SI: variants seen among roughly 807,000 people sequenced by gnomAD.
The protein encoded by SI is sucrase-isomaltase, intestinal.
Under a neutral mutation model 253.3 loss-of-function variants are expected in SI, and 235 were observed. That is an observed-to-expected ratio of 0.93 (90% CI 0.83 to 1.03). The LOEUF (loss-of-function observed/expected upper bound fraction) is 1.03. SI is among the 50% of genes least tolerant of loss of function. The pLI, the probability that SI is intolerant of heterozygous loss-of-function variation, is 0.00. For missense variants in SI, 2,442 were observed against 2,211.1 expected (o/e 1.10, Z -2.09); for synonymous variants, 819 against 712.0 (o/e 1.15, Z -2.39).
intron 26 of SI, among the ~76,000 whole-genome samples, chr3:165,022,535 T>TCACG (rs1553772742): frequency 7.3e-6 from 1 of 137,846 alleles, no homozygotes; most frequent in Non-Finnish European, 1.6e-5. Context: ...TTGTGCCATC[T>TCACG]CACACACACA....
At chr3:165,014,932 T>G (rs1029605367) in intron 33 of SI, among the ~76,000 whole-genome samples, 191 bp downstream of exon 33, 4 of 152,166 alleles carry the variant, frequency 2.6e-5, no homozygotes, top group African/African-American at 7.2e-5. Flanking sequence ...TTTGGACATG[T>G]GACTTATATG....
At chr3:165,059,392 A>G (rs1056237007) in intron 10 of SI, 93 bp from the exon 11 acceptor site, 1 of 1,220,068 alleles carries the variant, frequency 8.2e-7, no homozygotes, top group Non-Finnish European at 1.2e-6. Context: ...TATTATAAAC[A>G]TAACCCTTAA....
At chr3:165,054,368 T>A (rs1713581202) in intron 13 of SI, among the ~76,000 whole-genome samples, 1 of 152,040 alleles carries the variant, frequency 6.6e-6, no homozygotes, top group Non-Finnish European at 1.5e-5. Context: ...TCTTAAACAC[T>A]TGTATTTTTT....
At chr3:165,001,677 T>C (rs1011937290) in intron 37 of SI, among the ~76,000 whole-genome samples, 1 of 151,478 alleles carries the variant, frequency 6.6e-6, no homozygotes, top group Non-Finnish European at 1.5e-5. Flanking sequence ...CTGAAAGACA[T>C]GCATTTACTA....
chr3:165,039,816 GT>G, intron 19 of SI, 70 bp downstream of exon 19: 4 of 1,040,638 alleles, frequency 3.8e-6, no homozygotes, highest in East Asian at 2.4e-5. Flanking sequence ...TTATTCAGAT[GT>G]TTTGTAATGT....
chr3:165,049,273 T>C, intron 14 of SI, 29 bp from the exon 15 acceptor site: 1 of 1,219,104 alleles, frequency 8.2e-7, no homozygotes, highest in East Asian at 2.4e-5. Context: ...GAAACATTTC[T>C]TATATTTTTC....
At chr3:165,075,431 T>G (rs1714892068) in intron 2 of SI, among the ~76,000 whole-genome samples, 1 of 151,980 alleles carries the variant, frequency 6.6e-6, no homozygotes, top group African/African-American at 2.4e-5. Flanking sequence ...TCCAAGTCTT[T>G]TTTCAACTTT....
At chr3:165,083,282 C>T (rs1327711668), upstream of SI, among the ~76,000 whole-genome samples, 3 of 151,806 alleles carry the variant, frequency 2.0e-5, no homozygotes, top group Non-Finnish European at 4.4e-5. Context: ...AAATTCTAGT[C>T]AATGGGATGA....
chr3:165,009,662 T>C (rs1181208625), intron 34 of SI, among the ~76,000 whole-genome samples: 4 of 152,204 alleles, frequency 2.6e-5, no homozygotes, highest in African/African-American at 7.2e-5. Context: ...GCATTATTTT[T>C]AGTGCTTCCT....
intron 25 of SI, among the ~76,000 whole-genome samples, chr3:165,025,964 T>C (rs1028878157): frequency 4.0e-5 from 6 of 151,210 alleles, no homozygotes; most frequent in African/African-American, 1.5e-4. Context: ...GCACAATGAA[T>C]GGAATGGTAC....
intron 45 of SI, among the ~76,000 whole-genome samples, chr3:164,985,018 A>G (rs1717370081): frequency 6.6e-6 from 1 of 152,174 alleles, no homozygotes; most frequent in African/African-American, 2.4e-5. Flanking sequence ...ACATAACAAA[A>G]TAAGTAGATC....
intron 25 of SI, among the ~76,000 whole-genome samples, chr3:165,025,491 G>A (rs757041105): frequency 6.6e-6 from 1 of 151,232 alleles, no homozygotes; most frequent in South Asian, 2.1e-4. Context: ...ATACAAGAGA[G>A]CTCAAAGAAC....
chr3:165,044,240 G>T (rs1425986918), intron 16 of SI, among the ~76,000 whole-genome samples: 2 of 151,714 alleles, frequency 1.3e-5, no homozygotes, highest in Non-Finnish European at 2.9e-5. Flanking sequence ...TTTGGATAGG[G>T]GTTACTCACC....
chr3:165,004,480 A>G (rs1718407146), intron 37 of SI, among the ~76,000 whole-genome samples: 2 of 152,112 alleles, frequency 1.3e-5, no homozygotes, highest in South Asian at 2.1e-4. Flanking sequence ...TATCAAAAAG[A>G]TATCTGCCCT....
chr3:165,026,413 T>A (rs776406502), intron 25 of SI, among the ~76,000 whole-genome samples: 59 of 151,310 alleles, frequency 3.9e-4, no homozygotes, highest in Admixed American at 1.1e-3. Flanking sequence ...CTGATAGTAC[T>A]AGACAGATCA....
chr3:164,979,369 CA>C lies in SI; in HGVS notation c.5476del (p.Trp1826GlyfsTer9). 1.9e-6 allele frequency: 3 copies of C among 1,582,588 alleles called. No individual in the cohort carries two copies. The highest frequency in any genetic ancestry group is 2.6e-6 in the Non-Finnish European group (3 of 1,152,990). Reference sequence around the variant, plus strand: ...TAAAATTGATGGTGATCTTCATGACCAGTTGATTTCTATTGGTTCTTCTAGA... The same window carrying C: ...TAAAATTGATGGTGATCTTCATGACCGTTGATTTCTATTGGTTCTTCTAGA... ...VTLEEPIEIN[W>X]S On this transcript the variant is annotated frameshift_variant, in exon 48 of 48. Coordinates refer to ENST00000264382, the MANE Select transcript of SI (RefSeq NM_001041.4). LOFTEE classifies it high-confidence loss of function.
chr3:165,090,177 G>A, the SI span, among the ~76,000 whole-genome samples: 1 of 150,638 alleles, frequency 6.6e-6, no homozygotes, highest in East Asian at 2.0e-4. Context: ...GAGAGAGAGA[G>A]AGAACCCCCC....
intron 33 of SI, among the ~76,000 whole-genome samples, chr3:165,013,686 T>G (rs1455664295): frequency 3.9e-5 from 6 of 152,092 alleles, no homozygotes; most frequent in Non-Finnish European, 2.9e-5. Context: ...TATAAAAATA[T>G]AAATAATCCA....
chr3:165,056,897 A>G (rs961043617), intron 12 of SI, among the ~76,000 whole-genome samples: 4 of 152,094 alleles, frequency 2.6e-5, no homozygotes, highest in Admixed American at 6.6e-5. Context: ...TGTGAAGACT[A>G]TTATAAATAC....
Sources: gnomAD v4.1 joint callset for allele counts (sites outside exome capture counted in the v4.1 genomes callset) on GRCh38, gnomAD v4.1.1 for gene constraint, MANE v1.5 for transcripts, NCBI Gene and HGNC (gene_info 2026-07-23, HGNC 2026-07-21) for gene names.